Variants in EXOSC7 observed in about 807,000 individuals in gnomAD.
The protein encoded by EXOSC7 is exosome complex component RRP42.
A neutral mutation model predicts 34.3 loss-of-function variants in EXOSC7; 25 were observed. The ratio of observed to expected loss-of-function variants is 0.73; its 90% CI spans 0.53 to 1.02. The LOEUF (loss-of-function observed/expected upper bound fraction) is 1.02. EXOSC7 is among the 50% of genes least tolerant of loss of function. The pLI is 0.00. For missense variants in EXOSC7, 370 were observed against 368.5 expected, an observed-to-expected ratio of 1.00 and a Z score of -0.03; for synonymous variants, 130 against 143.0, an observed-to-expected ratio of 0.91 and a Z score of 0.65.
At chr3:44,993,573 CAGA>C (rs1706628586) in intron 3 of EXOSC7, among the ~76,000 whole-genome samples, 1 of 152,026 alleles carries the variant, frequency 6.6e-6, no homozygotes, top group Middle Eastern at 3.4e-3. Flanking sequence ...GGTGATGAGT[CAGA>C]AGGGGTGGAG....
At chr3:44,997,530 C>G (rs914705874) in intron 4 of EXOSC7, among the ~76,000 whole-genome samples, 2 of 152,154 alleles carry the variant, frequency 1.3e-5, no homozygotes, top group African/African-American at 2.4e-5. Context: ...AAGAGTAAAA[C>G]AAGAGATGGT....
At position 44,997,163 on chromosome 3, in the gene EXOSC7, C is replaced by G; in HGVS notation, c.331C>G (p.Arg111Gly). The G allele has an allele frequency of 1.2e-6, 2 of 1,614,018 alleles. No individual in the cohort carries two copies. The highest frequency in any genetic ancestry group is 1.7e-6 in the Non-Finnish European group (2 of 1,179,964). Residue 111 changes from arginine (R) to glycine (G), a missense_variant, in exon 4 of 8, where the codon CGG becomes GGG. Arg to Gly is a moderately radical substitution (Grantham distance 125). Transcript: ENST00000265564. ...LGTEIANTLY[R>G]IFNNKSSVDL... is the part of the protein sequence containing the mutation. The stretch of plus-strand genomic sequence containing the variant: ...CACCGAGATCGCTAACACCCTCTAT[C>G]GGATATTTAACAATAAAAGCAGTGT...
chr3:44,976,352 G>C lies in EXOSC7; in HGVS notation c.57+18G>C. On this transcript the variant is annotated intron_variant, in intron 1 of 7. Transcript: ENST00000265564. ...GCGTCCAGGTAGCTACAGCAGCGGC[G>C]TTGGGTCGGCCGCCGGGTTCAGCCT... The C allele has an allele frequency of 6.4e-7, 1 of 1,564,528 alleles. No homozygotes were observed. The highest frequency in any genetic ancestry group is 8.6e-7 in the Non-Finnish European group (1 of 1,161,590).
At chr3:45,006,365 A>G (rs1294043233) in intron 6 of EXOSC7, among the ~76,000 whole-genome samples, 2 of 144,618 alleles carry the variant, frequency 1.4e-5, no homozygotes, top group South Asian at 2.2e-4. Context: ...GGCATAAGCC[A>G]CCGCACCTAG....
chr3:45,004,343 C>T (rs1706969202), intron 5 of EXOSC7: 1 of 152,070 alleles, frequency 6.6e-6, no homozygotes, highest in Non-Finnish European at 1.5e-5. Flanking sequence ...GCAACCTCCA[C>T]TTCCCAGGTT....
intron 1 of EXOSC7, among the ~76,000 whole-genome samples, chr3:44,979,502 G>A (rs181613544): frequency 3.3e-5 from 5 of 152,296 alleles, no homozygotes; most frequent in African/African-American, 1.2e-4. Context: ...TCAGTTGCTA[G>A]TAATGGTAAC....
At chr3:44,984,055 G>A (rs918555676) in intron 1 of EXOSC7, among the ~76,000 whole-genome samples, 1 of 152,186 alleles carries the variant, frequency 6.6e-6, no homozygotes, top group African/African-American at 2.4e-5. Context: ...GTGAATTAAA[G>A]GCTGGAAAAG....
chr3:44,991,595 A>G (rs2125966054), intron 3 of EXOSC7, among the ~76,000 whole-genome samples: 1 of 152,222 alleles, frequency 6.6e-6, no homozygotes, highest in Middle Eastern at 3.4e-3. Context: ...GGTATAGGGG[A>G]TACGTTTCAT....
rs1183051491 is a variant in EXOSC7 at position 44,976,257 on chromosome 3, C to T, written c.-21C>T. The stretch of plus-strand genomic sequence containing the variant: ...GGGGACGCGCGCAGATGACGTGCGG[C>T]TCGTGGGGCAGCTCGGCAGCATGGC... On this transcript the variant is annotated 5_prime_UTR_variant, in exon 1 of 8. Transcript: ENST00000265564. 1.9e-6 allele frequency: 3 copies of T among 1,541,398 alleles called. No individual in the cohort carries two copies. Among genetic ancestry groups the T allele is most frequent in the East Asian group, 2.7e-5 (1 of 37,328 alleles).
intron 6 of EXOSC7, among the ~76,000 whole-genome samples, chr3:45,006,768 T>C (rs1360908629): frequency 2.0e-5 from 3 of 151,912 alleles, no homozygotes; most frequent in African/African-American, 7.3e-5. Flanking sequence ...AGTAGCACAA[T>C]CTAGGCTCAC....
chr3:44,977,328 C>T (rs1316657187), intron 1 of EXOSC7: 6 of 152,228 alleles, frequency 3.9e-5, no homozygotes, highest in Non-Finnish European at 8.8e-5. Context: ...TTCCTCATGC[C>T]TTTCCTCTGT....
rs748798029 is a variant in EXOSC7, at chr3:44,981,665, C to A, written c.57+5331C>A. Among the ~76,000 whole-genome samples the A allele has an allele frequency of 1.3e-4, 20 of 152,142 alleles. 1 individual carries two copies. Among genetic ancestry groups the A allele is most frequent in the Admixed American group, 6.5e-5 (1 of 15,272 alleles). On this transcript the variant is annotated intron_variant, in intron 1 of 7. Coordinates refer to ENST00000265564, the MANE Select transcript of EXOSC7 (RefSeq NM_015004.4). ...AGGTGCAGTGGCTCACACCTGTAAT[C>A]CCAGCCCTTTGGGAGGCTGAGGTGG... is the stretch of plus-strand genomic sequence containing the variant.
intron 7 of EXOSC7, among the ~76,000 whole-genome samples, chr3:45,007,858 C>T (rs936670970): frequency 1.3e-5 from 2 of 152,170 alleles, no homozygotes; most frequent in Non-Finnish European, 2.9e-5. Flanking sequence ...GACTGTTGGA[C>T]TTTCATAATG....
intron 3 of EXOSC7, 36 bp from the exon 4 acceptor site, chr3:44,997,051 A>G: frequency 6.2e-7 from 1 of 1,602,650 alleles, no homozygotes; most frequent in Non-Finnish European, 8.5e-7. Flanking sequence ...GCACTTGGAA[A>G]GACTCACCCA....
chr3:45,009,341 G>A (rs889141033), intron 7 of EXOSC7, among the ~76,000 whole-genome samples: 2 of 152,162 alleles, frequency 1.3e-5, no homozygotes, highest in African/African-American at 4.8e-5. Flanking sequence ...GGGGGTAGTT[G>A]TGCAGGCTGC....
chr3:44,978,165 A>T (rs184428489), intron 1 of EXOSC7, among the ~76,000 whole-genome samples: 2 of 152,348 alleles, frequency 1.3e-5, no homozygotes, highest in East Asian at 3.9e-4. Context: ...GTTGAAGTTA[A>T]AGTATACCAG....
At chr3:44,986,152 C>T (rs111986159) in intron 1 of EXOSC7, among the ~76,000 whole-genome samples, 75 of 137,404 alleles carry the variant, frequency 5.5e-4, no homozygotes, top group African/African-American at 1.8e-3. Flanking sequence ...TGGGACTGGG[C>T]GCCGTGGAGC....
At chr3:44,989,371 AG>A in intron 2 of EXOSC7, 130 bp downstream of exon 2, 1 of 858,072 alleles carries the variant, frequency 1.2e-6, no homozygotes, top group Non-Finnish European at 1.9e-6. Flanking sequence ...AGCCAAACTC[AG>A]GGAGGGGGGG....
At chr3:44,990,730 C>T (rs78755722) in intron 3 of EXOSC7, among the ~76,000 whole-genome samples, 2,644 of 152,274 alleles carry the variant, frequency 0.017, 38 homozygotes, top group Non-Finnish European at 0.028. Context: ...ACACTCGATG[C>T]TTAATACATA....
Sources: gnomAD v4.1 joint callset for allele counts (sites outside exome capture counted in the v4.1 genomes callset) on GRCh38, gnomAD v4.1.1 for gene constraint, MANE v1.5 for transcripts, NCBI Gene and HGNC (gene_info 2026-07-23, HGNC 2026-07-21) for gene names.